Variants in TBCD observed in about 807,000 individuals in gnomAD.
TBCD encodes tubulin folding cofactor D.
TBCD carries 105 observed loss-of-function variants against 169.3 expected under a neutral mutation model. That is an observed-to-expected ratio of 0.62 (90% CI 0.53 to 0.73). The LOEUF is 0.73. Among genes scored for constraint, TBCD ranks in the 30% least tolerant of loss-of-function variants. TBCD has a pLI of 0.00. For missense variants in TBCD, 1,444 were observed against 1,600.1 expected (o/e 0.90, Z 1.66); for synonymous variants, 700 against 643.9 (o/e 1.09, Z -1.32).
At chr17:82,914,157 G>T in intron 23 of TBCD, 1 of 152,458 alleles carries the variant, frequency 6.6e-6, no homozygotes. Context: ...ACACTGATGT[G>T]CTTCGTCCGG....
At chr17:82,808,662 G>A (rs2051191122) in intron 11 of TBCD, among the ~76,000 whole-genome samples, 1 of 139,922 alleles carries the variant, frequency 7.1e-6, no homozygotes. Flanking sequence ...CAAGGCAGGT[G>A]GAGGGGCTGG....
rs8072518 is a variant in TBCD, at chr17:82,929,296, G to T, written c.2852+25G>T. 5 of 1,611,552 alleles carry T rather than the reference G, an allele frequency of 3.1e-6. No homozygotes were observed. In the South Asian group the frequency reaches 4.4e-5, roughly 14 times the overall value. On this transcript the variant is annotated intron_variant, in intron 31 of 38. Coordinates refer to ENST00000355528, the MANE Select transcript of TBCD (RefSeq NM_005993.5). ...GGTACTGTCGGGGTGTAGGCCCCCC[G>T]TGCTGGCCCCGCAGCCATGGCGAGA...
chr17:82,907,904 G>A (rs1446451559), intron 21 of TBCD, 83 bp downstream of exon 21: 4 of 1,475,504 alleles, frequency 2.7e-6, no homozygotes, highest in African/African-American at 2.8e-5. Context: ...CCCAGGCAGG[G>A]TCTGCAGTCC....
In TBCD at chr17:82,903,474, G is replaced by A. The variant is rs371376715; in HGVS notation, c.1800G>A (p.Thr600=). ...AGCAGGCACCCGAGTTCAGCGCCAC[G>A]CAAGGTGGGTGTGTGTCCCGGCCGG... ...LAQQAPEFSA[T]QVFPRLLSMT... Residue 600 remains threonine (T), a synonymous_variant, in exon 19 of 39, where the codon ACG becomes ACA. Coordinates refer to ENST00000355528, the MANE Select transcript of TBCD (RefSeq NM_005993.5). The surrounding 1 kb of genome is among the most constrained non-coding windows in gnomAD (Gnocchi z 4.8). 28 of 1,593,666 alleles carry A rather than the reference G, an allele frequency of 1.8e-5. No individual in the cohort carries two copies. Among genetic ancestry groups the A allele is most frequent in the African/African-American group, 1.1e-4 (8 of 74,680 alleles).
At chr17:82,839,107 T>G (rs1435512031) in intron 13 of TBCD, 1 of 390,960 alleles carries the variant, frequency 2.6e-6, no homozygotes, top group Non-Finnish European at 3.5e-6. Context: ...TTCGAAAGCT[T>G]ATGCCCAATT....
intron 13 of TBCD, among the ~76,000 whole-genome samples, chr17:82,869,579 C>T (rs546663105): frequency 6.6e-6 from 1 of 152,340 alleles, no homozygotes; most frequent in East Asian, 1.9e-4. Context: ...CATTAACCCA[C>T]TTTTGAATGG....
rs1335340102 is a variant in TBCD at position 82,943,653 on chromosome 17, T to A, written c.*1190T>A. On this transcript the variant is annotated 3_prime_UTR_variant, in exon 39 of 39. Transcript: ENST00000355528. ...AGACCAGGACTGTGACAGTCCGTGC[T>A]GTGTGTTTAGCAGACAGCTCTTCAC... The A allele has an allele frequency of 6.6e-6, 1 of 152,218 alleles. No homozygotes were observed. Among genetic ancestry groups the A allele is most frequent in the Non-Finnish European group, 1.5e-5 (1 of 68,044 alleles). The allele number at this position is 152,218 out of a possible 1,614,324, so 9.4% of individuals were successfully genotyped here.
intron 2 of TBCD, among the ~76,000 whole-genome samples, chr17:82,757,178 T>C (rs2451214): frequency 0.62 from 94,691 of 152,058 alleles, 29,556 homozygotes; most frequent in African/African-American, 0.65. Flanking sequence ...ACCATTCAGT[T>C]TTTGAGCTGC....
At chr17:82,838,868 G>A (rs1052505181) in intron 13 of TBCD, 7 of 985,304 alleles carry the variant, frequency 7.1e-6, no homozygotes, top group African/African-American at 1.7e-5. Context: ...TACAGTCGCC[G>A]CCTCATCCTG....
At chr17:82,797,420 G>A (rs1202021572) in intron 7 of TBCD, among the ~76,000 whole-genome samples, 1 of 152,160 alleles carries the variant, frequency 6.6e-6, no homozygotes, top group African/African-American at 2.4e-5. Context: ...AAAACCTACT[G>A]AGATATCTTC....
chr17:82,858,099 A>G (rs2056468862), intron 13 of TBCD, among the ~76,000 whole-genome samples: 1 of 151,954 alleles, frequency 6.6e-6, no homozygotes, highest in Non-Finnish European at 1.5e-5. Context: ...TTTTTTGTAG[A>G]GATGGGATCT....
In TBCD at chr17:82,930,820, C is replaced by T. The variant is rs771326043; in HGVS notation, c.3113+177C>T. On this transcript the variant is annotated intron_variant, in intron 33 of 38. Transcript: ENST00000355528. The surrounding 1 kb of genome is among the most constrained non-coding windows in gnomAD (Gnocchi z 5.2). ...GATGTGCCTGCAGCATATGGTTCTC[C>T]GGGCGGCCAGGCCTCAGCCCCTGCG... Among the ~76,000 whole-genome samples, 6 of 152,192 alleles carry T rather than the reference C, an allele frequency of 3.9e-5. No homozygotes were observed. Among genetic ancestry groups the T allele is most frequent in the African/African-American group, 9.7e-5 (4 of 41,450 alleles).
intron 13 of TBCD, among the ~76,000 whole-genome samples, chr17:82,845,195 C>CG (rs2054907946): frequency 6.6e-6 from 1 of 152,170 alleles, no homozygotes; most frequent in Non-Finnish European, 1.5e-5. Context: ...GTTTCCAGGT[C>CG]GGGGGTGAGG....
At chr17:82,933,398 G>A (rs969016267) in intron 34 of TBCD, among the ~76,000 whole-genome samples, 6 of 150,646 alleles carry the variant, frequency 4.0e-5, no homozygotes, top group East Asian at 3.9e-4. Context: ...ACAGGCATGC[G>A]CTGTAGTCTA....
chr17:82,927,393 C>T (rs993560118), intron 29 of TBCD, 70 bp downstream of exon 29: 54 of 1,536,000 alleles, frequency 3.5e-5, no homozygotes, highest in African/African-American at 1.4e-4. Context: ...TCGGAGGCCC[C>T]GGGCTTTTCT....
chr17:82,917,300 A>G (rs2061119107), intron 23 of TBCD, among the ~76,000 whole-genome samples: 1 of 151,646 alleles, frequency 6.6e-6, no homozygotes, highest in East Asian at 1.9e-4. Flanking sequence ...TTACAGGAAC[A>G]TTTTCTTTGA....
chr17:82,873,130 C>G (rs765252411), intron 14 of TBCD, among the ~76,000 whole-genome samples: 1 of 152,234 alleles, frequency 6.6e-6, no homozygotes, highest in East Asian at 1.9e-4. Context: ...AGACGTGTGA[C>G]GGCTGCAGCT....
intron 1 of TBCD, among the ~76,000 whole-genome samples, chr17:82,755,318 T>C (rs1214179361): frequency 6.6e-6 from 1 of 152,162 alleles, no homozygotes; most frequent in Non-Finnish European, 1.5e-5. Context: ...ACTAAAAAGG[T>C]ACCAGACTTA....
chr17:82,874,685 C>G lies in TBCD; in HGVS notation c.1475+4305C>G, dbSNP rs779669423. ...CGCAGACTCCAGGCATCCGGCCGGG[C>G]GGGCTGTGAGTCAGGCTGCACCAGG... is the stretch of plus-strand genomic sequence containing the variant. On this transcript the variant is annotated intron_variant, in intron 14 of 38. Transcript: ENST00000355528. The surrounding 1 kb of genome is among the most constrained non-coding windows in gnomAD (Gnocchi z 5.0). Among the ~76,000 whole-genome samples, 1 of 152,186 alleles carries G rather than the reference C, an allele frequency of 6.6e-6. No individual in the cohort carries two copies. Among genetic ancestry groups the G allele is most frequent in the Non-Finnish European group, 1.5e-5 (1 of 68,030 alleles).
Sources: gnomAD v4.1 joint callset for allele counts (sites outside exome capture counted in the v4.1 genomes callset) on GRCh38, gnomAD v4.1.1 for gene constraint, Gnocchi (gnomAD v3.1) non-coding constraint, MANE v1.5 for transcripts, NCBI Gene and HGNC (gene_info 2026-07-23, HGNC 2026-07-21) for gene names.